LUZP2: variants seen among roughly 807,000 people sequenced by gnomAD.
The protein encoded by LUZP2 is leucine zipper protein 2.
In LUZP2, 52 loss-of-function variants were observed where a neutral mutation model predicts 51.6. The observed-to-expected ratio is 1.01, with a 90% CI of 0.81 to 1.27. The LOEUF is 1.27. LUZP2 is among the 50% of genes most tolerant of loss of function. The probability of loss-of-function intolerance (pLI) is 0.00; values close to 1 mark genes in which losing one functional copy is unlikely to be tolerated. For missense variants in LUZP2, 436 were observed against 395.4 expected (o/e 1.10, Z -0.87); for synonymous variants, 154 against 137.3 (o/e 1.12, Z -0.85).
At chr11:25,064,372 CTG>C (rs1256835079) in intron 10 of LUZP2, among the ~76,000 whole-genome samples, 11 of 151,746 alleles carry the variant, frequency 7.2e-5, no homozygotes, top group African/African-American at 2.7e-4. Flanking sequence ...TATAAATTTC[CTG>C]TGTGATTAAT....
intron 7 of LUZP2, among the ~76,000 whole-genome samples, chr11:24,925,281 A>AC (rs1722310999): frequency 6.6e-6 from 1 of 151,866 alleles, no homozygotes; most frequent in African/African-American, 2.4e-5. Flanking sequence ...GGCATGTCTG[A>AC]CCCCCATCTT....
At chr11:24,817,793 A>G (rs974559810) in intron 5 of LUZP2, among the ~76,000 whole-genome samples, 1 of 152,004 alleles carries the variant, frequency 6.6e-6, no homozygotes. Flanking sequence ...TGTTCAGGAA[A>G]TGGTATTACT....
intron 9 of LUZP2, among the ~76,000 whole-genome samples, chr11:25,017,734 T>C (rs1857199079): frequency 6.6e-6 from 1 of 152,136 alleles, no homozygotes; most frequent in South Asian, 2.1e-4. Context: ...TTGTTATGTG[T>C]TTTGCTTAGT....
At chr11:24,890,478 T>C (rs1852813211) in intron 5 of LUZP2, among the ~76,000 whole-genome samples, 1 of 152,182 alleles carries the variant, frequency 6.6e-6, no homozygotes, top group Non-Finnish European at 1.5e-5. Context: ...AAACTAGTTA[T>C]TTGCTTGGGA....
intron 5 of LUZP2, among the ~76,000 whole-genome samples, chr11:24,822,594 G>A (rs1359982977): frequency 1.3e-5 from 2 of 152,064 alleles, no homozygotes; most frequent in African/African-American, 4.8e-5. Context: ...CTAAATTGCA[G>A]GAATCCAGTG....
At chr11:24,868,575 GC>G (rs1278224322) in intron 5 of LUZP2, among the ~76,000 whole-genome samples, 1 of 151,934 alleles carries the variant, frequency 6.6e-6, no homozygotes, top group Admixed American at 6.6e-5. Context: ...ACTTATGAGG[GC>G]TAAGAAGAAA....
intron 5 of LUZP2, among the ~76,000 whole-genome samples, chr11:24,772,714 G>C (rs11826829): frequency 0.08 from 12,221 of 152,188 alleles, 1,067 homozygotes; most frequent in African/African-American, 0.22. Context: ...GAGGCTACAA[G>C]TCTGGATCCA....
At chr11:24,876,034 T>G (rs1852249808) in intron 5 of LUZP2, among the ~76,000 whole-genome samples, 1 of 152,088 alleles carries the variant, frequency 6.6e-6, no homozygotes, top group African/African-American at 2.4e-5. Context: ...TTGCGAAAAT[T>G]TTCTCCCATT....
chr11:25,073,939 C>A (rs2134058861), intron 10 of LUZP2, among the ~76,000 whole-genome samples: 1 of 152,286 alleles, frequency 6.6e-6, no homozygotes, highest in South Asian at 2.1e-4. Context: ...GAAGCAGACC[C>A]ATTTTACAGC....
chr11:24,726,908 C>T (rs561429168), intron 1 of LUZP2, among the ~76,000 whole-genome samples: 4 of 152,110 alleles, frequency 2.6e-5, no homozygotes, highest in East Asian at 1.9e-4. Context: ...TGGTTACTTC[C>T]GCAGTGTAAT....
At chr11:24,882,775 G>A (rs1051697939) in intron 5 of LUZP2, among the ~76,000 whole-genome samples, 2 of 110,556 alleles carry the variant, frequency 1.8e-5, no homozygotes, top group African/African-American at 3.0e-5. Flanking sequence ...TTAGTGCAAC[G>A]GGAGAAGGAA....
chr11:25,053,802 T>C (rs1270305716), intron 10 of LUZP2, among the ~76,000 whole-genome samples: 1 of 152,144 alleles, frequency 6.6e-6, no homozygotes, highest in Non-Finnish European at 1.5e-5. Flanking sequence ...CTCTGTTGAG[T>C]AGGCACCAAG....
chr11:24,841,797 G>T (rs1359368326), intron 5 of LUZP2, among the ~76,000 whole-genome samples: 1 of 152,048 alleles, frequency 6.6e-6, no homozygotes, highest in African/African-American at 2.4e-5. Flanking sequence ...TGCCAAAAGG[G>T]TCTGTACTCA....
chr11:24,755,022 G>A (rs1377079542), intron 4 of LUZP2, among the ~76,000 whole-genome samples: 6 of 151,794 alleles, frequency 4.0e-5, no homozygotes, highest in Admixed American at 3.9e-4. Flanking sequence ...GGCGGGGCTT[G>A]TAATCCCAGC....
intron 1 of LUZP2, among the ~76,000 whole-genome samples, chr11:24,511,330 A>G (rs1394759004): frequency 6.6e-6 from 1 of 152,138 alleles, no homozygotes; most frequent in Non-Finnish European, 1.5e-5. Context: ...GTGACAAGAA[A>G]TATCATTTTG....
chr11:25,039,182 G>A (rs1857960229), intron 9 of LUZP2, among the ~76,000 whole-genome samples: 1 of 152,098 alleles, frequency 6.6e-6, no homozygotes, highest in South Asian at 2.1e-4. Context: ...GGCTCCCTTG[G>A]GGATTGGACC....
chr11:24,900,808 G>T (rs1257135478), intron 5 of LUZP2, among the ~76,000 whole-genome samples: 2 of 152,162 alleles, frequency 1.3e-5, no homozygotes, highest in Non-Finnish European at 2.9e-5. Flanking sequence ...TCGCATAGCT[G>T]CAATGGAGTG....
chr11:24,883,025 G>A (rs1418317432), intron 5 of LUZP2, among the ~76,000 whole-genome samples: 2 of 151,814 alleles, frequency 1.3e-5, no homozygotes, highest in African/African-American at 2.4e-5. Flanking sequence ...AAAAAGAAAA[G>A]AGAAGAAAGA....
intron 5 of LUZP2, among the ~76,000 whole-genome samples, chr11:24,835,001 G>C (rs2134187517): frequency 6.6e-6 from 1 of 152,138 alleles, no homozygotes; most frequent in East Asian, 1.9e-4. Context: ...TTAGACCCCT[G>C]TCAGATGGTC....
Sources: gnomAD v4.1 joint callset for allele counts (sites outside exome capture counted in the v4.1 genomes callset) on GRCh38, gnomAD v4.1.1 for gene constraint, MANE v1.5 for transcripts, NCBI Gene and HGNC (gene_info 2026-07-23, HGNC 2026-07-21) for gene names.